Variants in GNAS observed in about 807,000 individuals in gnomAD.
GNAS encodes the protein protein ALEX.
Under a neutral mutation model 54.5 loss-of-function variants are expected in GNAS, and 8 were observed. The observed-to-expected ratio is 0.15, with a 90% CI of 0.09 to 0.26. GNAS has a LOEUF of 0.26. GNAS is among the 10% of genes least tolerant of loss of function. GNAS has a pLI of 1.00. For missense variants in GNAS, 170 were observed against 529.8 expected (o/e 0.32, Z 6.67); for synonymous variants, 204 against 191.4 (o/e 1.07, Z -0.54).
At chr20:58,864,237 C>T (rs2086916557) in intron 1 of GNAS, 1 of 152,144 alleles carries the variant, frequency 6.6e-6, no homozygotes, top group South Asian at 2.1e-4. Flanking sequence ...TTTTTAAAAT[C>T]TATGGTTATG....
Position 58,910,259 on chromosome 20 carries a change from G to C in GNAS, c.971-75G>C. The C allele has an allele frequency of 7.7e-7, 1 of 1,294,718 alleles. No individual in the cohort carries two copies. The highest frequency in any genetic ancestry group is 1.1e-6 in the Non-Finnish European group (1 of 888,222). 80.2% of individuals were successfully genotyped at this position (1,294,718 alleles called of 1,614,324 possible). The stretch of plus-strand genomic sequence containing the variant: ...AAAATCAGGGTTTTGAAGACTTCAG[G>C]AGCTACAGAGATGCTAGCACCCCAG... On this transcript the variant is annotated intron_variant, in intron 11 of 12. Coordinates refer to ENST00000371085, the MANE Select transcript of GNAS (RefSeq NM_000516.7). The surrounding 1 kb of genome is among the most constrained non-coding windows in gnomAD (Gnocchi z 5.8).
intron 1 of GNAS, among the ~76,000 whole-genome samples, chr20:58,846,316 C>T (rs1198912332): frequency 6.6e-6 from 1 of 152,094 alleles, no homozygotes; most frequent in Non-Finnish European, 1.5e-5. Context: ...CCAGGTGCAT[C>T]AAGGGACAGA....
chr20:58,846,143 C>A (rs1285133643), intron 1 of GNAS, among the ~76,000 whole-genome samples: 4 of 151,726 alleles, frequency 2.6e-5, no homozygotes, highest in Non-Finnish European at 5.9e-5. Flanking sequence ...GATAAGAGAA[C>A]CCCTGGGAAG....
chr20:58,861,453 A>G (rs2086777969), intron 1 of GNAS, among the ~76,000 whole-genome samples: 4 of 152,180 alleles, frequency 2.6e-5, no homozygotes, highest in Admixed American at 2.6e-4. Context: ...GATTTCATTA[A>G]ATTAGACTGA....
At chr20:58,900,161 TGTA>T (rs544768639) in intron 3 of GNAS, 278 of 586,632 alleles carry the variant, frequency 4.7e-4, no homozygotes, top group Non-Finnish European at 7.3e-4. Flanking sequence ...TTGGCAGAAA[TGTA>T]GTATGACAAC....
Position 58,841,779 on chromosome 20 carries a change from T to A in GNAS, c.43+893T>A. 8.1e-7 allele frequency: 1 copy of A among 1,230,460 alleles called. No homozygotes were observed. Among genetic ancestry groups the A allele is most frequent in the Non-Finnish European group, 1.0e-6 (1 of 987,668 alleles). 76.2% of individuals were successfully genotyped at this position (1,230,460 alleles called of 1,614,324 possible). On this transcript the variant is annotated intron_variant, in intron 1 of 12. Transcript: ENST00000306090. This position sits in a 1 kb window ranked among gnomAD's most constrained non-coding sequence, Gnocchi z 5.0. Reference sequence around the variant, plus strand: ...GGTATTGCCAAGCTTTTGGCGCAGCTGGTCGGGTGGCCAGGCTGCATGCGG... The same window carrying A: ...GGTATTGCCAAGCTTTTGGCGCAGCAGGTCGGGTGGCCAGGCTGCATGCGG...
intron 1 of GNAS, among the ~76,000 whole-genome samples, chr20:58,893,066 CTTTTTTT>C (rs869179421): frequency 0.31 from 32,343 of 103,142 alleles, 3,613 homozygotes; most frequent in East Asian, 0.58. Context: ...GGCGTGGTTT[CTTTTTTT>C]TTTTTTTTTT....
chr20:58,855,398 G>C (rs1272042861), intron 1 of GNAS: 1 of 1,447,556 alleles, frequency 6.9e-7, no homozygotes, highest in African/African-American at 1.4e-5. Context: ...GGGTGGCAGG[G>C]CTGCCTGGTG....
chr20:58,906,218 A>T (rs1281817004), intron 6 of GNAS, among the ~76,000 whole-genome samples: 12 of 152,210 alleles, frequency 7.9e-5, no homozygotes, highest in Admixed American at 7.8e-4. Context: ...TGGGAAAAGC[A>T]TCTTTCTCCA....
At chr20:58,848,692 A>C (rs1225325766) in intron 1 of GNAS, among the ~76,000 whole-genome samples, 2 of 152,108 alleles carry the variant, frequency 1.3e-5, no homozygotes, top group African/African-American at 4.8e-5. Context: ...CAAGCCAACC[A>C]ATCAGGCCAA....
intron 1 of GNAS, among the ~76,000 whole-genome samples, chr20:58,861,100 C>A (rs1465868455): frequency 6.6e-6 from 1 of 152,228 alleles, no homozygotes; most frequent in Non-Finnish European, 1.5e-5. Flanking sequence ...CCAACCCCAG[C>A]AAAATTGTGG....
At chr20:58,894,478 G>C (rs1287168702) in intron 1 of GNAS, among the ~76,000 whole-genome samples, 1 of 152,130 alleles carries the variant, frequency 6.6e-6, no homozygotes, top group Admixed American at 6.5e-5. Context: ...TGCTATCTGG[G>C]CATTAAAACA....
chr20:58,855,341 G>T, intron 1 of GNAS: 2 of 1,560,216 alleles, frequency 1.3e-6, no homozygotes, highest in African/African-American at 1.4e-5. Flanking sequence ...TAGGTAATGC[G>T]GCGGACTCTG....
intron 1 of GNAS, among the ~76,000 whole-genome samples, chr20:58,868,152 C>T (rs978697765): frequency 6.6e-6 from 1 of 151,950 alleles, no homozygotes; most frequent in Non-Finnish European, 1.5e-5. Context: ...TCCTGAGTAG[C>T]TGGTACTACA....
chr20:58,858,691 C>T (rs920670621), intron 1 of GNAS, among the ~76,000 whole-genome samples: 4 of 152,156 alleles, frequency 2.6e-5, no homozygotes, highest in Admixed American at 6.5e-5. Flanking sequence ...TTTATTTATA[C>T]AGTGAATCAC....
intron 3 of GNAS, among the ~76,000 whole-genome samples, chr20:58,899,266 A>C (rs1046175487): frequency 2.0e-5 from 3 of 152,212 alleles, no homozygotes; most frequent in Admixed American, 6.5e-5. Context: ...GATTTTGAGA[A>C]TTGATGTTTT....
intron 6 of GNAS, among the ~76,000 whole-genome samples, chr20:58,906,110 A>T (rs985243475): frequency 6.6e-6 from 1 of 152,222 alleles, no homozygotes; most frequent in Non-Finnish European, 1.5e-5. Flanking sequence ...TTAAATCCTA[A>T]ACTGTACACC....
chr20:58,899,704 TCA>T (rs751723213), intron 3 of GNAS, among the ~76,000 whole-genome samples: 3 of 151,036 alleles, frequency 2.0e-5, no homozygotes, highest in Non-Finnish European at 4.4e-5. Flanking sequence ...CGCACACACA[TCA>T]CACGCACACA....
At chr20:58,855,230 G>A in intron 1 of GNAS, 1 of 1,595,570 alleles carries the variant, frequency 6.3e-7, no homozygotes, top group Non-Finnish European at 8.5e-7. Context: ...CCCTGGAGAA[G>A]CGGGCCCAGA....
Sources: allele counts gnomAD v4.1 joint callset (sites outside exome capture counted in the v4.1 genomes callset), GRCh38; gene constraint gnomAD v4.1.1; non-coding constraint Gnocchi (gnomAD v3.1); transcripts MANE v1.5; gene names NCBI Gene and HGNC (gene_info 2026-07-23, HGNC 2026-07-21).